Variants in KDM3B observed in about 807,000 individuals in gnomAD.
KDM3B encodes the protein lysine-specific demethylase 3B.
Under a neutral mutation model 170.0 loss-of-function variants are expected in KDM3B, and 10 were observed. The ratio of observed to expected loss-of-function variants is 0.06; its 90% CI spans 0.04 to 0.10. The LOEUF is 0.10. Ranked by LOEUF, KDM3B falls within the 10% of genes least tolerant of loss-of-function variation. The probability of loss-of-function intolerance (pLI) is 1.00; values close to 1 mark genes in which losing one functional copy is unlikely to be tolerated. For synonymous variants in KDM3B, 831 were observed against 834.8 expected (o/e 1.00, Z 0.08); for missense variants, 1,394 against 2,195.2 (o/e 0.64, Z 7.29).
chr5:138,372,036 C>T (rs1761886506), intron 1 of KDM3B, among the ~76,000 whole-genome samples: 2 of 151,970 alleles, frequency 1.3e-5, no homozygotes, highest in African/African-American at 2.4e-5. Flanking sequence ...TCTTTTGAGC[C>T]CAGGATGTGG....
At position 138,399,842 on chromosome 5, in the gene KDM3B, G is replaced by A; in HGVS notation, c.3047-18G>A. ...GGTCAGGATGATCAATGCCAATTCT[G>A]TTTCCTCTTTCCACCAGAGAAAGTG... On this transcript the variant is annotated intron_variant, in intron 10 of 23. Transcript: ENST00000314358. 2 of 1,609,344 alleles carry A rather than the reference G, an allele frequency of 1.2e-6. No individual in the cohort carries two copies. Among genetic ancestry groups the A allele is most frequent in the African/African-American group, 1.3e-5 (1 of 74,958 alleles).
chr5:138,391,449 C>G lies in KDM3B; in HGVS notation c.1817C>G (p.Pro606Arg). The G allele has an allele frequency of 6.2e-7, 1 of 1,614,094 alleles. No homozygotes were observed. The highest frequency in any genetic ancestry group is 8.5e-7 in the Non-Finnish European group (1 of 1,180,010). The change falls in exon 8 of 24, where the codon CCA becomes CGA. Residue 606 changes from proline to arginine, a missense_variant. By Grantham distance (103) the Pro-to-Arg change is moderately radical. Transcript: ENST00000314358. This position sits in a 1 kb window ranked among gnomAD's most constrained non-coding sequence, Gnocchi z 5.0. ...ESMPTLTPAF[P>R]RSLLNARTPE... is the part of the protein sequence containing the mutation. Reference sequence around the variant, plus strand: ...ATGCCCACCCTCACTCCAGCCTTCCCACGGAGCCTCCTAAATGCCCGTACC... The same window carrying G: ...ATGCCCACCCTCACTCCAGCCTTCCGACGGAGCCTCCTAAATGCCCGTACC...
intron 14 of KDM3B, among the ~76,000 whole-genome samples, chr5:138,420,167 C>T (rs922548463): frequency 6.6e-6 from 1 of 152,212 alleles, no homozygotes; most frequent in East Asian, 1.9e-4. Flanking sequence ...GGATTATAGG[C>T]GTGAGCCACC....
At chr5:138,381,172 C>T (rs1410772126) in intron 5 of KDM3B, among the ~76,000 whole-genome samples, 2 of 152,128 alleles carry the variant, frequency 1.3e-5, no homozygotes, top group Admixed American at 1.3e-4. Flanking sequence ...CCGCACCCAG[C>T]CCTAGAGTGA....
At chr5:138,430,683 G>A (rs1471857246) in intron 22 of KDM3B, among the ~76,000 whole-genome samples, 1 of 152,190 alleles carries the variant, frequency 6.6e-6, no homozygotes, top group Non-Finnish European at 1.5e-5. Flanking sequence ...CTGAGGTTGG[G>A]AGTTCAAGAT....
At position 138,359,047 on chromosome 5, in the gene KDM3B, G is replaced by T. The variant is rs997281099; in HGVS notation, c.192+6060G>T. Among the ~76,000 whole-genome samples the T allele has an allele frequency of 1.2e-3, 178 of 149,584 alleles. 1 individual carries two copies. The highest frequency in any genetic ancestry group is 7.2e-4 in the Non-Finnish European group (49 of 67,600). On this transcript the variant is annotated intron_variant, in intron 1 of 23. Transcript: ENST00000314358. ...CTATGAGTGAGAATATGCGGTGTTT[G>T]TTTTTTTGTTCTTGCGATAGTTTAC...
chr5:138,363,178 A>T (rs1443247029), intron 1 of KDM3B, among the ~76,000 whole-genome samples: 2 of 152,082 alleles, frequency 1.3e-5, no homozygotes, highest in Admixed American at 6.6e-5. Context: ...GGAGGTCAGG[A>T]AACACGGATT....
intron 10 of KDM3B, among the ~76,000 whole-genome samples, chr5:138,399,556 A>G (rs12188922): frequency 1.3e-5 from 2 of 151,660 alleles, no homozygotes. Context: ...ATATATATAT[A>G]TTTTTTTACA....
chr5:138,375,914 C>T (rs12719513), intron 3 of KDM3B, among the ~76,000 whole-genome samples: 45,524 of 151,012 alleles, frequency 0.3, 7,617 homozygotes, highest in South Asian at 0.43. Flanking sequence ...TGACTTCAGG[C>T]GATCCACCTG....
rs1186782291 is a variant in KDM3B at position 138,417,502 on chromosome 5, C to T, written c.3327C>T (p.Asp1109=). 8.1e-6 allele frequency: 13 copies of T among 1,613,964 alleles called. No homozygotes were observed. The African/African-American group carries it at 9.3e-5, about 12-fold the overall frequency. Residue 1109 remains aspartate, a synonymous_variant, in exon 13 of 24, where the codon GAC becomes GAT. Coordinates refer to ENST00000314358, the MANE Select transcript of KDM3B (RefSeq NM_016604.4). ...TCCCAGCTCTTTACAATATTGGAGACATGGTACATGCTGCCCGGGGCAAGT... is the reference window on the plus strand; with the variant it reads ...TCCCAGCTCTTTACAATATTGGAGATATGGTACATGCTGCCCGGGGCAAGT... ...IPGTALYNIG[D]MVHAARGKWG... is the part of the protein sequence containing the mutation.
chr5:138,374,422 C>T (rs778003396), intron 2 of KDM3B: 116 of 298,430 alleles, frequency 3.9e-4, no homozygotes, highest in Non-Finnish European at 7.2e-4. Context: ...CCACTCCCGG[C>T]TTATTTTTTG....
At chr5:138,372,917 GT>G in intron 2 of KDM3B, 76 bp downstream of exon 2, 1 of 1,330,360 alleles carries the variant, frequency 7.5e-7, no homozygotes, top group Non-Finnish European at 1.0e-6. Context: ...TAGGGACAGA[GT>G]ATGTGTAAGA....
chr5:138,420,651 G>T, intron 14 of KDM3B, 55 bp from the exon 15 acceptor site: 1 of 1,590,926 alleles, frequency 6.3e-7, no homozygotes, highest in Admixed American at 1.7e-5. Context: ...GGAGTCAGTT[G>T]TGTGCTGATT....
rs746674260 is a variant in KDM3B at position 138,356,492 on chromosome 5, ATTTCT to A, written c.192+3509_192+3513del. On this transcript the variant is annotated intron_variant, in intron 1 of 23. Coordinates refer to ENST00000314358, the MANE Select transcript of KDM3B (RefSeq NM_016604.4). ...TTTTTCCATGTGTACTGGCTTTTTC[ATTTCT>A]TTTATTTGTTACTTATGGATATCTT... 5.9e-5 allele frequency among the ~76,000 whole-genome samples: 9 copies of A among 151,526 alleles called. No homozygotes were observed. The East Asian group carries it at 1.2e-3, about 20-fold the overall frequency.
In KDM3B at chr5:138,386,533, C is replaced by T; in HGVS notation, c.1292C>T (p.Pro431Leu). 2.5e-6 allele frequency: 4 copies of T among 1,614,200 alleles called. No homozygotes were observed. The highest frequency in any genetic ancestry group is 2.5e-6 in the Non-Finnish European group (3 of 1,180,020). The change falls in exon 7 of 24, where the codon CCA (proline) becomes CTA (leucine). Residue 431 changes from proline to leucine, a missense_variant. By Grantham distance (98) the Pro-to-Leu change is moderately conservative (BLOSUM62 -3). Coordinates refer to ENST00000314358, the MANE Select transcript of KDM3B (RefSeq NM_016604.4). The stretch of plus-strand genomic sequence containing the variant: ...GTGGTCACTACCGCCAGCTCCACCC[C>T]AAACACAGTGAGGATCTCAGACACT... ...AAVVTTASST[P>L]NTVRISDTGL...
At chr5:138,428,686 G>C (rs1763456091) in intron 20 of KDM3B, among the ~76,000 whole-genome samples, 1 of 152,112 alleles carries the variant, frequency 6.6e-6, no homozygotes, top group Non-Finnish European at 1.5e-5. Flanking sequence ...TTTCCACTTT[G>C]TAGCCTCACA....
At chr5:138,420,086 C>T (rs1763234103) in intron 14 of KDM3B, among the ~76,000 whole-genome samples, 1 of 152,168 alleles carries the variant, frequency 6.6e-6, no homozygotes, top group South Asian at 2.1e-4. Context: ...CGAGGTTTCT[C>T]CATGTTGGTC....
chr5:138,354,077 G>A (rs761087977), intron 1 of KDM3B, among the ~76,000 whole-genome samples: 11 of 152,146 alleles, frequency 7.2e-5, no homozygotes, highest in Non-Finnish European at 1.0e-4. Flanking sequence ...TGTGAGATTT[G>A]GAAGTAATGT....
chr5:138,387,831 C>T (rs1050534161), intron 7 of KDM3B, among the ~76,000 whole-genome samples: 1 of 152,106 alleles, frequency 6.6e-6, no homozygotes, highest in Non-Finnish European at 1.5e-5. Context: ...CCTGTAATCC[C>T]AGCACTTTGG....
Sources: allele counts gnomAD v4.1 joint callset (sites outside exome capture counted in the v4.1 genomes callset), GRCh38; gene constraint gnomAD v4.1.1; non-coding constraint Gnocchi (gnomAD v3.1); transcripts MANE v1.5; gene names NCBI Gene and HGNC (gene_info 2026-07-23, HGNC 2026-07-21).